Variants in AKIRIN2 observed in about 807,000 individuals in gnomAD.
AKIRIN2 encodes akirin 2.
Under a neutral mutation model 29.3 loss-of-function variants are expected in AKIRIN2, and 6 were observed. That is an observed-to-expected ratio of 0.20 (90% CI 0.11 to 0.40). AKIRIN2 has a LOEUF of 0.40. AKIRIN2 is among the 10% of genes least tolerant of loss of function. AKIRIN2 has a pLI of 1.00. For missense variants in AKIRIN2, 210 were observed against 276.1 expected, an observed-to-expected ratio of 0.76 and a Z score of 1.70; for synonymous variants, 128 against 117.5, an observed-to-expected ratio of 1.09 and a Z score of -0.58.
intron 1 of AKIRIN2, chr6:87,700,789 T>G (rs74487222): frequency 0.031 from 4,789 of 154,872 alleles, 251 homozygotes; most frequent in African/African-American, 0.11. Context: ...AGGTCTAGAC[T>G]TATAGTGTGA....
chr6:87,681,737 C>T lies in AKIRIN2; in HGVS notation c.262G>A (p.Glu88Lys). ...CTTCTCTTCTGCATTCGTTTATACT[C>T]TTGTTTTATGTTGTACAGAATTTGT... ...TEQILYNIKQEYKRMQKRRHL... is the reference protein window; with the variant it reads ...TEQILYNIKQKYKRMQKRRHL... The change falls in exon 2 of 5, where the codon GAG becomes AAG. Residue 88 changes from glutamate to lysine, a missense_variant. Transcript: ENST00000257787. The T allele has an allele frequency of 6.2e-7, 1 of 1,606,514 alleles. No homozygotes were observed. Among genetic ancestry groups the T allele is most frequent in the Non-Finnish European group, 8.5e-7 (1 of 1,176,342 alleles).
At chr6:87,676,647 G>A (rs1771004315) in intron 3 of AKIRIN2, among the ~76,000 whole-genome samples, 1 of 141,380 alleles carries the variant, frequency 7.1e-6, no homozygotes, top group Non-Finnish European at 1.5e-5. Flanking sequence ...GGGCATGGTG[G>A]CACACACCTG....
chr6:87,683,126 G>A (rs1771142405), intron 1 of AKIRIN2, among the ~76,000 whole-genome samples: 1 of 151,922 alleles, frequency 6.6e-6, no homozygotes, highest in African/African-American at 2.4e-5. Flanking sequence ...TTTAGATACT[G>A]CCTGTTTCAT....
chr6:87,700,564 G>A (rs1271219161), intron 1 of AKIRIN2: 1 of 152,184 alleles, frequency 6.6e-6, no homozygotes, highest in Admixed American at 6.5e-5. Flanking sequence ...GCAGCCAAAA[G>A]ACATTCCCCA....
At chr6:87,693,724 CAAAAAAAAAA>C (rs34150167) in intron 1 of AKIRIN2, among the ~76,000 whole-genome samples, 1 of 101,164 alleles carries the variant, frequency 9.9e-6, no homozygotes, top group African/African-American at 3.4e-5. Context: ...GACTCTGTCT[CAAAAAAAAAA>C]AAAAAAAAGT....
intron 1 of AKIRIN2, among the ~76,000 whole-genome samples, chr6:87,687,268 C>T (rs900871271): frequency 6.7e-6 from 1 of 148,522 alleles, no homozygotes. Flanking sequence ...TTGGGCAGGG[C>T]GTGGTGGCTC....
At chr6:87,676,694 C>T (rs1421488794) in intron 3 of AKIRIN2, among the ~76,000 whole-genome samples, 2 of 150,188 alleles carry the variant, frequency 1.3e-5, no homozygotes, top group Admixed American at 6.6e-5. Flanking sequence ...GCAGGAGAAT[C>T]GCTTGAGCCC....
At chr6:87,677,753 T>C in intron 3 of AKIRIN2, 65 bp downstream of exon 3, 1 of 1,534,178 alleles carries the variant, frequency 6.5e-7, no homozygotes. Context: ...GAAATTAAAG[T>C]ACACGTGGAA....
chr6:87,680,482 AG>A (rs758013559), intron 2 of AKIRIN2, among the ~76,000 whole-genome samples: 9 of 151,508 alleles, frequency 5.9e-5, no homozygotes, highest in Non-Finnish European at 8.8e-5. Flanking sequence ...TGTGTTAGCC[AG>A]GATGTTCTCG....
Position 87,702,004 on chromosome 6 carries a change from C to G in AKIRIN2, c.-320G>C. 2.5e-6 allele frequency: 1 copy of G among 402,432 alleles called. No individual in the cohort carries two copies. The highest frequency in any genetic ancestry group is 4.4e-6 in the Non-Finnish European group (1 of 228,068). The allele number at this position is 402,432 out of a possible 1,614,324, so 24.9% of individuals were successfully genotyped here. A position where few individuals can be genotyped will look rare whatever the true frequency, so the allele number is the denominator to read the frequency against. On this transcript the variant is annotated 5_prime_UTR_variant, in exon 1 of 5. Transcript: ENST00000257787. ...CGAGAGAGGCTCCGGCCGCCCCCGC[C>G]GTCCGCTCGAGCTTTGCGCCGCGCC...
chr6:87,695,280 T>C (rs1771342525), intron 1 of AKIRIN2, among the ~76,000 whole-genome samples: 1 of 152,004 alleles, frequency 6.6e-6, no homozygotes. Context: ...GCAGTATTTA[T>C]TACGACTCGT....
chr6:87,694,501 T>C (rs1206421161), intron 1 of AKIRIN2, among the ~76,000 whole-genome samples: 1 of 152,154 alleles, frequency 6.6e-6, no homozygotes, highest in South Asian at 2.1e-4. Flanking sequence ...AGAACTCAAA[T>C]GAGGTTCATA....
intron 2 of AKIRIN2, 119 bp from the exon 3 acceptor site, chr6:87,678,086 A>G (rs900305313): frequency 1.1e-6 from 1 of 939,670 alleles, no homozygotes; most frequent in African/African-American, 1.7e-5. Context: ...TTTTAAAATC[A>G]GATTTTAAGC....
intron 2 of AKIRIN2, among the ~76,000 whole-genome samples, chr6:87,680,423 C>T (rs1771099626): frequency 6.6e-6 from 1 of 151,866 alleles, no homozygotes; most frequent in Non-Finnish European, 1.5e-5. Flanking sequence ...CAGGCGCCTG[C>T]CACCATGCCT....
chr6:87,701,544 G>T lies in AKIRIN2; in HGVS notation c.141C>A (p.Thr47=). 1 of 1,416,790 alleles carries T rather than the reference G, an allele frequency of 7.1e-7. No individual in the cohort carries two copies. Among genetic ancestry groups the T allele is most frequent in the Non-Finnish European group, 9.2e-7 (1 of 1,085,062 alleles). The allele number at this position is 1,416,790 out of a possible 1,614,324, so 87.8% of individuals were successfully genotyped here. ...AASPLSAAAA[T]AASFSAAAAS... Reference sequence around the variant, plus strand: ...CGGCCGCAGCGGAGAAGGAGGCGGCGGTGGCCGCGGCCGCCGACAACGGGG... The same window carrying T: ...CGGCCGCAGCGGAGAAGGAGGCGGCTGTGGCCGCGGCCGCCGACAACGGGG... Residue 47 remains threonine (T), a synonymous_variant, in exon 1 of 5, where the codon ACC becomes ACA. Coordinates refer to ENST00000257787, the MANE Select transcript of AKIRIN2 (RefSeq NM_018064.4).
At chr6:87,700,546 C>T (rs894585994) in intron 1 of AKIRIN2, 12 of 152,230 alleles carry the variant, frequency 7.9e-5, no homozygotes, top group African/African-American at 2.9e-4. Flanking sequence ...ATACACATGC[C>T]CTACAAAGCA....
Position 87,702,204 on chromosome 6 carries a change from C to A in AKIRIN2, c.-520G>T, listed in dbSNP as rs77622916. The stretch of plus-strand genomic sequence containing the variant: ...GCAGCAGGAACCCAAGCGAACACGT[C>A]CAACCGCTTCCCCTCCCTCGTAGAA... On this transcript the variant is annotated 5_prime_UTR_variant, in exon 1 of 5. Coordinates refer to ENST00000257787, the MANE Select transcript of AKIRIN2 (RefSeq NM_018064.4). 3.1e-3 allele frequency: 1,239 copies of A among 397,840 alleles called. 6 individuals carry two copies. Among genetic ancestry groups the A allele is most frequent in the South Asian group, 0.011 (81 of 7,452 alleles). 24.6% of individuals were successfully genotyped at this position (397,840 alleles called of 1,614,324 possible).
At chr6:87,689,392 C>T (rs551104697) in intron 1 of AKIRIN2, among the ~76,000 whole-genome samples, 110 of 152,134 alleles carry the variant, frequency 7.2e-4, no homozygotes, top group African/African-American at 2.6e-3. Context: ...TAATCCCAAT[C>T]GCTTAAACCT....
rs550564843 is a variant in AKIRIN2, at chr6:87,701,803, A to G, written c.-119T>C. ...GGAGAGCCTACCCGACGGGCTCAGG[A>G]GCCAAGCGGGTCGCGGAGCGCCGGC... On this transcript the variant is annotated 5_prime_UTR_variant, in exon 1 of 5. Transcript: ENST00000257787. 317 of 709,342 alleles carry G rather than the reference A, an allele frequency of 4.5e-4. 1 individual carries two copies. The African/African-American group carries it at 5.3e-3, about 12-fold the overall frequency. The allele number at this position is 709,342 out of a possible 1,614,324, so 43.9% of individuals were successfully genotyped here.
Sources: allele counts gnomAD v4.1 joint callset (sites outside exome capture counted in the v4.1 genomes callset), GRCh38; gene constraint gnomAD v4.1.1; transcripts MANE v1.5; gene names NCBI Gene and HGNC (gene_info 2026-07-23, HGNC 2026-07-21).